Variants in OPN3 observed in about 807,000 individuals in gnomAD.
OPN3 encodes opsin-3.
OPN3 carries 29 observed loss-of-function variants against 33.8 expected under a neutral mutation model. The observed-to-expected ratio is 0.86, with a 90% CI of 0.64 to 1.17. The LOEUF (loss-of-function observed/expected upper bound fraction) is 1.17, where lower values mean the gene tolerates loss of function less well. OPN3 is among the 50% of genes most tolerant of loss of function. The pLI is 0.00. For synonymous variants in OPN3, 216 were observed against 216.1 expected (o/e 1.00, Z 0.00); for missense variants, 437 against 514.1 (o/e 0.85, Z 1.45).
intron 1 of OPN3, chr1:241,634,122 A>G (rs1664768258): frequency 6.2e-7 from 1 of 1,612,252 alleles, no homozygotes; most frequent in African/African-American, 1.3e-5. Flanking sequence ...AGAGCCCACA[A>G]GAGTCTTGGC....
At chr1:241,611,449 AC>A (rs1663990995) in intron 1 of OPN3, among the ~76,000 whole-genome samples, 1 of 150,670 alleles carries the variant, frequency 6.6e-6, no homozygotes, top group African/African-American at 2.5e-5. Flanking sequence ...GGAAGCAGGT[AC>A]CACCTGAGTG....
chr1:241,594,476 G>T lies in OPN3; in HGVS notation c.1161C>A (p.Asp387Glu). The change falls in exon 4 of 4, where the codon GAC becomes GAA. Residue 387 changes from aspartate (D) to glutamate (E), a missense_variant. Coordinates refer to ENST00000366554, the MANE Select transcript of OPN3 (RefSeq NM_014322.3). ...CATCAACTTTGGACCCATTGGTTTT[G>T]TCGCTGTCGTCAACTGACAGTGATT... ...SDESLSVDDSDKTNGSKVDVI... is the reference protein window; with the variant it reads ...SDESLSVDDSEKTNGSKVDVI... 6.2e-7 allele frequency: 1 copy of T among 1,614,096 alleles called. No individual in the cohort carries two copies. The highest frequency in any genetic ancestry group is 1.1e-5 in the South Asian group (1 of 91,088).
chr1:241,640,024 G>C lies in OPN3; in HGVS notation c.231C>G (p.His77Gln), dbSNP rs1183115831. 6.2e-7 allele frequency: 1 copy of C among 1,613,368 alleles called. No homozygotes were observed. Among genetic ancestry groups the C allele is most frequent in the Non-Finnish European group, 8.5e-7 (1 of 1,179,750 alleles). ...YKFQRLRTPT[H>Q]LLLVNISLSD... ...TGAGGCTGATGTTGACCAGGAGGAGGTGAGTGGGAGTGCGGAGCCGCTGGA... is the reference window on the plus strand; with the variant it reads ...TGAGGCTGATGTTGACCAGGAGGAGCTGAGTGGGAGTGCGGAGCCGCTGGA... The change falls in exon 1 of 4, where the codon CAC (histidine) becomes CAG (glutamine). Residue 77 changes from histidine (H) to glutamine (Q), a missense_variant. Transcript: ENST00000366554.
chr1:241,618,011 A>G (rs1362020387), intron 1 of OPN3, among the ~76,000 whole-genome samples: 1 of 151,624 alleles, frequency 6.6e-6, no homozygotes, highest in Non-Finnish European at 1.5e-5. Flanking sequence ...ACTAAAAAAA[A>G]TAAATAAATA....
intron 1 of OPN3, chr1:241,635,488 A>G (rs1367805153): frequency 2.5e-6 from 4 of 1,613,898 alleles, no homozygotes. Context: ...GAATAGTTTC[A>G]TCCTTCTTGC....
chr1:241,633,581 C>A, intron 1 of OPN3: 1 of 576,408 alleles, frequency 1.7e-6, no homozygotes, highest in Non-Finnish European at 3.0e-6. Context: ...GTCATATAGC[C>A]CATTCTAAAC....
rs1230542332 is a variant in OPN3 at position 241,623,045 on chromosome 1, GT to G, written c.373+16836del. On this transcript the variant is annotated intron_variant, in intron 1 of 3. Transcript: ENST00000366554. Reference sequence around the variant, plus strand: ...GAGCTTTCAGAAGCCCAGGAAGTTTGTTTTTTTTAAAGAGTCTATACCTAGA... The same window carrying G: ...GAGCTTTCAGAAGCCCAGGAAGTTTGTTTTTTTAAAGAGTCTATACCTAGA... Among the ~76,000 whole-genome samples, 7 of 150,744 alleles carry G rather than the reference GT, an allele frequency of 4.6e-5. No homozygotes were observed. The East Asian group carries it at 1.4e-3, about 30-fold the overall frequency.
intron 1 of OPN3, 104 bp from the exon 2 acceptor site, chr1:241,604,683 ATCGATAGAGTGCTC>A (rs1663777966): frequency 2.0e-6 from 2 of 1,019,674 alleles, no homozygotes; most frequent in South Asian, 3.3e-5. Flanking sequence ...AGTATCTGAG[ATCGATAGAGTGCTC>A]TCAAAGCCAA....
rs781404196 is a variant in OPN3 at position 241,635,565 on chromosome 1, T to C, written c.373+4317A>G. On this transcript the variant is annotated intron_variant, in intron 1 of 3. Coordinates refer to ENST00000366554, the MANE Select transcript of OPN3 (RefSeq NM_014322.3). ...CATACAACAGTACTTTCTTCCCCAA[T>C]GTCATTGTTTTGCTGATACTCCTTC... 12 of 1,614,112 alleles carry C rather than the reference T, an allele frequency of 7.4e-6. No individual in the cohort carries two copies. The East Asian group carries it at 2.0e-4, about 27-fold the overall frequency.
intron 1 of OPN3, chr1:241,631,549 A>C (rs1415539242): frequency 6.7e-6 from 1 of 149,028 alleles, no homozygotes; most frequent in Non-Finnish European, 1.5e-5. Flanking sequence ...TGCTACTTTA[A>C]GTAAGTTGTC....
At chr1:241,597,693 C>A (rs1396396990) in intron 3 of OPN3, 53 bp downstream of exon 3, 2 of 1,572,246 alleles carry the variant, frequency 1.3e-6, no homozygotes, top group African/African-American at 2.7e-5. Context: ...ATTACACTGT[C>A]ATTTCCAACT....
At chr1:241,626,879 C>CA (rs1664435798) in intron 1 of OPN3, among the ~76,000 whole-genome samples, 1 of 152,146 alleles carries the variant, frequency 6.6e-6, no homozygotes, top group Admixed American at 6.5e-5. Context: ...ACACACTGTA[C>CA]TAGTATCCTC....
rs1211222275 is a variant in OPN3 at position 241,601,631 on chromosome 1, G to A, written c.693+2629C>T. On this transcript the variant is annotated intron_variant, in intron 2 of 3. Transcript: ENST00000366554. ...TGAGGCAGGAGAATTGCTTGAACCT[G>A]TGAGGCGGAGGTTGCAGTGAGCCGA... 1.1e-3 allele frequency among the ~76,000 whole-genome samples: 163 copies of A among 152,124 alleles called. 1 individual carries two copies. Among genetic ancestry groups the A allele is most frequent in the Admixed American group, 0.011 (163 of 15,266 alleles).
intron 1 of OPN3, among the ~76,000 whole-genome samples, chr1:241,625,449 T>C (rs893922489): frequency 6.6e-6 from 1 of 152,218 alleles, no homozygotes; most frequent in African/African-American, 2.4e-5. Flanking sequence ...ATAGAAAGAT[T>C]ACCTCTCATT....
At chr1:241,635,492 T>C in intron 1 of OPN3, 2 of 1,613,936 alleles carry the variant, frequency 1.2e-6, no homozygotes, top group African/African-American at 1.3e-5. Flanking sequence ...AGTTTCATCC[T>C]TCTTGCGAAG....
intron 1 of OPN3, chr1:241,634,888 T>C (rs1664816616): frequency 6.2e-6 from 10 of 1,610,372 alleles, no homozygotes; most frequent in Non-Finnish European, 8.5e-6. Flanking sequence ...GCATCCTCTT[T>C]TCAACCATGG....
At chr1:241,635,330 G>A (rs959795086) in intron 1 of OPN3, 2 of 1,613,936 alleles carry the variant, frequency 1.2e-6, no homozygotes, top group East Asian at 2.2e-5. Flanking sequence ...ATTAAAATAC[G>A]ATAACTGGCT....
At chr1:241,620,957 A>G (rs534703298) in intron 1 of OPN3, among the ~76,000 whole-genome samples, 10 of 152,286 alleles carry the variant, frequency 6.6e-5, no homozygotes, top group Admixed American at 3.9e-4. Context: ...AAAACAGGAA[A>G]TGGACCTCCA....
At chr1:241,635,227 C>G (rs1156528154) in intron 1 of OPN3, 1 of 1,613,614 alleles carries the variant, frequency 6.2e-7, no homozygotes, top group East Asian at 2.2e-5. Flanking sequence ...CTCCACAATA[C>G]TTTTCCTTCT....
Sources: gnomAD v4.1 joint callset for allele counts (sites outside exome capture counted in the v4.1 genomes callset) on GRCh38, gnomAD v4.1.1 for gene constraint, MANE v1.5 for transcripts, NCBI Gene and HGNC (gene_info 2026-07-23, HGNC 2026-07-21) for gene names.